The following CCDC144A variants were observed in gnomAD, a reference collection of about 807,000 sequenced individuals.
The protein encoded by CCDC144A is coiled-coil domain-containing protein 144A.
Under a neutral mutation model 143.8 loss-of-function variants are expected in CCDC144A, and 41 were observed. The observed-to-expected ratio is 0.29, with a 90% CI of 0.22 to 0.37. The LOEUF (loss-of-function observed/expected upper bound fraction) is 0.37. Among genes scored for constraint, CCDC144A ranks in the 10% least tolerant of loss-of-function variants. The pLI is 1.00. For missense variants in CCDC144A, 637 were observed against 1,488.8 expected, an observed-to-expected ratio of 0.43 and a Z score of 9.41; for synonymous variants, 242 against 517.9, an observed-to-expected ratio of 0.47 and a Z score of 7.23.
chr17:16,671,166 A>C, the CCDC144A span, among the ~76,000 whole-genome samples: 2 of 151,770 alleles, frequency 1.3e-5, no homozygotes, highest in Non-Finnish European at 2.9e-5. Flanking sequence ...TACTTTCAAT[A>C]GAGACAGGGT....
At chr17:16,673,383 C>G in the CCDC144A span, among the ~76,000 whole-genome samples, 1 of 149,926 alleles carries the variant, frequency 6.7e-6, no homozygotes, top group Non-Finnish European at 1.5e-5. Flanking sequence ...AAAAAGTTAT[C>G]TTCATTTTTT....
At chr17:16,737,413 G>A (rs1448692673) in intron 12 of CCDC144A, 13 of 1,033,730 alleles carry the variant, frequency 1.3e-5, no homozygotes, top group Admixed American at 1.0e-4. Context: ...TGATCCGCCC[G>A]CCTCGGCCTC....
chr17:16,718,724 A>G (rs1037300930), intron 6 of CCDC144A, among the ~76,000 whole-genome samples: 42 of 147,152 alleles, frequency 2.9e-4, no homozygotes, highest in African/African-American at 1.1e-3. Context: ...AGGAGTATCA[A>G]CTTTATAGTT....
At chr17:16,688,334 T>C (rs759723876), upstream of CCDC144A, among the ~76,000 whole-genome samples, 36 of 151,970 alleles carry the variant, frequency 2.4e-4, no homozygotes, top group Non-Finnish European at 3.8e-4. Context: ...CTTCAAGGCC[T>C]ACCCAGGACA....
chr17:16,676,797 TAAAC>T, the CCDC144A span, among the ~76,000 whole-genome samples: 4 of 152,068 alleles, frequency 2.6e-5, no homozygotes, highest in East Asian at 7.7e-4. Context: ...ATTTTTAAAA[TAAAC>T]AATTCCCCCT....
chr17:16,709,396 G>C lies in CCDC144A; in HGVS notation c.1339G>C (p.Asp447His). 6.2e-7 allele frequency: 1 copy of C among 1,611,604 alleles called. No homozygotes were observed. Among genetic ancestry groups the C allele is most frequent in the Non-Finnish European group, 8.5e-7 (1 of 1,179,632 alleles). The change falls in exon 5 of 17, where the codon GAT (aspartate) becomes CAT (histidine). Residue 447 changes from aspartate (D) to histidine (H), a missense_variant. Asp to His is a moderately conservative substitution (Grantham distance 81). Coordinates refer to ENST00000399273, the MANE Select transcript of CCDC144A (RefSeq NM_001382000.1). Reference sequence around the variant, plus strand: ...TGAAATGAAAGAAGACCAAGAGTTTGATTTGCAAATGACAAAAAATATGAA... The same window carrying C: ...TGAAATGAAAGAAGACCAAGAGTTTCATTTGCAAATGACAAAAAATATGAA... ...MVEMKEDQEF[D>H]LQMTKNMNQN...
intron 2 of CCDC144A, among the ~76,000 whole-genome samples, chr17:16,699,979 C>T (rs1911640469): frequency 6.6e-6 from 1 of 151,964 alleles, no homozygotes; most frequent in South Asian, 2.1e-4. Flanking sequence ...TGATTGTAGT[C>T]ACATGTAACA....
chr17:16,713,638 A>G (rs1251505934), intron 6 of CCDC144A, among the ~76,000 whole-genome samples: 1 of 152,202 alleles, frequency 6.6e-6, no homozygotes, highest in Admixed American at 6.5e-5. Flanking sequence ...CAAAATGATA[A>G]TCAGCTTATA....
intron 12 of CCDC144A, among the ~76,000 whole-genome samples, chr17:16,740,065 C>A (rs1812881149): frequency 6.6e-6 from 1 of 152,110 alleles, no homozygotes; most frequent in Non-Finnish European, 1.5e-5. Flanking sequence ...ACAGGATATG[C>A]TGACTCCTTC....
chr17:16,705,359 G>A lies in CCDC144A; in HGVS notation c.624G>A (p.Leu208=). 1.3e-6 allele frequency: 1 copy of A among 748,148 alleles called. No individual in the cohort carries two copies. The allele number at this position is 748,148 out of a possible 1,614,324, so 46.3% of individuals were successfully genotyped here. The change falls in exon 3 of 17, where the codon CTG becomes CTA. Residue 208 remains leucine (L), a synonymous_variant. Coordinates refer to ENST00000399273, the MANE Select transcript of CCDC144A (RefSeq NM_001382000.1). The stretch of plus-strand genomic sequence containing the variant: ...CAGGGAATGATACTCTCCATGACCT[G>A]TGCCAATCACAGCTACCAGAAAACA... The part of the protein sequence containing the change: ...LLSGNDTLHD[L]CQSQLPENKE...
At chr17:16,746,523 C>T in intron 12 of CCDC144A, 1 of 1,613,794 alleles carries the variant, frequency 6.2e-7, no homozygotes, top group Non-Finnish European at 8.5e-7. Context: ...CAGTAGGTTT[C>T]TAAAAACTTC....
intron 2 of CCDC144A, among the ~76,000 whole-genome samples, chr17:16,701,111 G>A (rs1338590791): frequency 6.6e-6 from 1 of 151,998 alleles, no homozygotes; most frequent in Non-Finnish European, 1.5e-5. Context: ...TTAGTGATTT[G>A]CAATTTTCAA....
chr17:16,728,231 A>G (rs1014771236), intron 9 of CCDC144A, among the ~76,000 whole-genome samples: 11 of 152,266 alleles, frequency 7.2e-5, no homozygotes, highest in African/African-American at 2.6e-4. Flanking sequence ...GAGACGGGGT[A>G]TCACTGTGTT....
chr17:16,688,407 C>T (rs1421457823), upstream of CCDC144A, among the ~76,000 whole-genome samples: 1 of 151,592 alleles, frequency 6.6e-6, no homozygotes, highest in Non-Finnish European at 1.5e-5. Context: ...TAAATGCCAA[C>T]TGAGACCCCA....
the CCDC144A span, among the ~76,000 whole-genome samples, chr17:16,667,786 T>G: frequency 1.3e-5 from 2 of 150,452 alleles, no homozygotes; most frequent in African/African-American, 4.9e-5. Flanking sequence ...CTGACTTGAT[T>G]AAACATTTTG....
intron 12 of CCDC144A, among the ~76,000 whole-genome samples, chr17:16,752,479 T>A (rs1914842921): frequency 6.6e-6 from 1 of 151,108 alleles, no homozygotes; most frequent in African/African-American, 2.4e-5. Flanking sequence ...CTACTCCTCT[T>A]CTTGAGCTCA....
chr17:16,757,473 C>T (rs373144364), intron 12 of CCDC144A, among the ~76,000 whole-genome samples: 9 of 152,326 alleles, frequency 5.9e-5, no homozygotes, highest in East Asian at 3.9e-4. Flanking sequence ...GTAGATGGGG[C>T]CTGGGTAAAG....
At chr17:16,676,289 A>T in the CCDC144A span, among the ~76,000 whole-genome samples, 118 of 152,072 alleles carry the variant, frequency 7.8e-4, no homozygotes, top group African/African-American at 2.8e-3. Context: ...AGGCAGGTGG[A>T]TTGCTTGAGG....
the CCDC144A span, among the ~76,000 whole-genome samples, chr17:16,677,613 G>C: frequency 6.6e-6 from 1 of 151,908 alleles, no homozygotes; most frequent in South Asian, 2.1e-4. Context: ...CGAGTGGATC[G>C]CCTGAGATCA....
Sources: gnomAD v4.1 joint callset for allele counts (sites outside exome capture counted in the v4.1 genomes callset) on GRCh38, gnomAD v4.1.1 for gene constraint, MANE v1.5 for transcripts, NCBI Gene and HGNC (gene_info 2026-07-23, HGNC 2026-07-21) for gene names.